Variants in ABCA4 observed in about 807,000 individuals in gnomAD.
The protein encoded by ABCA4 is ATP binding cassette subfamily A member 4, also known as retinal-specific phospholipid-transporting ATPase ABCA4.
ABCA4 carries 196 observed loss-of-function variants against 263.7 expected under a neutral mutation model. The ratio of observed to expected loss-of-function variants is 0.74; its 90% confidence interval spans 0.66 to 0.84. The LOEUF (loss-of-function observed/expected upper bound fraction) is 0.84. ABCA4 is among the 40% of genes least tolerant of loss of function. ABCA4 has a pLI of 0.00. For missense variants in ABCA4, 2,792 were observed against 2,855.1 expected (o/e 0.98, Z 0.50); for synonymous variants, 1,133 against 1,094.2 (o/e 1.04, Z -0.70).
rs1024070952 is a variant in ABCA4 at position 94,039,273 on chromosome 1, G to A, written c.3607+770C>T. On this transcript the variant is annotated intron_variant, in intron 24 of 49. Coordinates refer to ENST00000370225, the MANE Select transcript of ABCA4 (RefSeq NM_000350.3). ...CCTCCAGTTGTAATGATCAGACAAC[G>A]CAAATATTGCCCGGTTCTCTTGCTT... 3.3e-5 allele frequency among the ~76,000 whole-genome samples: 5 copies of A among 152,282 alleles called. No homozygotes were observed. The East Asian group carries it at 5.8e-4, about 18-fold the overall frequency.
Position 94,091,988 on chromosome 1 carries a change from G to C in ABCA4, c.768+6806C>G, listed in dbSNP as rs1006402388. Among the ~76,000 whole-genome samples the C allele has an allele frequency of 2.0e-5, 3 of 152,146 alleles. No individual in the cohort carries two copies. The East Asian group carries it at 5.8e-4, about 29-fold the overall frequency. On this transcript the variant is annotated intron_variant, in intron 6 of 49. Coordinates refer to ENST00000370225, the MANE Select transcript of ABCA4 (RefSeq NM_000350.3). ...TTATCACCTCCTAAAAAGTCTTGTTGGCATAGTATTTCTGATGCTTTGGAT... is the reference window on the plus strand; with the variant it reads ...TTATCACCTCCTAAAAAGTCTTGTTCGCATAGTATTTCTGATGCTTTGGAT...
chr1:94,035,604 G>C (rs953136256), intron 26 of ABCA4, among the ~76,000 whole-genome samples: 5 of 152,190 alleles, frequency 3.3e-5, no homozygotes, highest in Admixed American at 2.0e-4. Context: ...CACTCCAACA[G>C]GAAAACACTG....
chr1:94,115,263 T>C (rs1211192200), intron 1 of ABCA4, among the ~76,000 whole-genome samples: 1 of 152,212 alleles, frequency 6.6e-6, no homozygotes, highest in African/African-American at 2.4e-5. Flanking sequence ...ATTTGACTCC[T>C]TTAGACGACT....
Position 94,005,610 on chromosome 1 carries a change from A to G in ABCA4, c.6006-28T>C, listed in dbSNP as rs1025514075. On this transcript the variant is annotated intron_variant, in intron 43 of 49. Transcript: ENST00000370225. ...GCAAGAAAAAAAGCAATTACTGAGT[A>G]TCCTTCAAGGAGTGGAGGGATGACC... 4 of 1,611,184 alleles carry G rather than the reference A, an allele frequency of 2.5e-6. No homozygotes were observed. In the African/African-American group the frequency reaches 5.3e-5, roughly 22 times the overall value.
intron 4 of ABCA4, among the ~76,000 whole-genome samples, chr1:94,104,281 G>A (rs747731457): frequency 2.6e-5 from 4 of 152,316 alleles, no homozygotes; most frequent in South Asian, 2.1e-4. Context: ...ACTGGGGTGC[G>A]TGAAAATGCC....
intron 1 of ABCA4, among the ~76,000 whole-genome samples, chr1:94,120,218 T>C (rs923772606): frequency 8.5e-5 from 13 of 152,234 alleles, no homozygotes; most frequent in African/African-American, 2.7e-4. Context: ...TGCTACTTTA[T>C]GTTGCTCTTG....
At chr1:94,062,099 C>T (rs955390333) in intron 13 of ABCA4, among the ~76,000 whole-genome samples, 1 of 152,160 alleles carries the variant, frequency 6.6e-6, no homozygotes, top group African/African-American at 2.4e-5. Context: ...CAACACATTC[C>T]TCTGCCTTGT....
rs1286626523 is a variant in ABCA4, at chr1:93,997,933, G to A, written c.6657C>T (p.Phe2219=). The change falls in exon 48 of 50, where the codon TTC becomes TTT. Residue 2219 remains phenylalanine (F), a synonymous_variant. Transcript: ENST00000370225. ...TGTCCTTGTGGGAGAGGAGGAGCTG[G>A]AAGATCCTCGCCAGGGAGGAGGAGG... ...QVSSSSLARI[F]QLLLSHKDSL... 4.3e-6 allele frequency: 7 copies of A among 1,613,992 alleles called. No individual in the cohort carries two copies. The African/African-American group carries it at 5.3e-5, about 12-fold the overall frequency.
At chr1:94,088,847 C>T (rs1380837598) in intron 6 of ABCA4, among the ~76,000 whole-genome samples, 1 of 152,208 alleles carries the variant, frequency 6.6e-6, no homozygotes, top group Admixed American at 6.5e-5. Flanking sequence ...GGGGTAGGAG[C>T]CCAGAGGCAC....
chr1:94,001,150 C>T (rs750106477), intron 45 of ABCA4, 45 bp from the exon 46 acceptor site: 1 of 1,511,260 alleles, frequency 6.6e-7, no homozygotes, highest in Admixed American at 1.7e-5. Flanking sequence ...GGGAGCTGGC[C>T]CTTCTGATTA....
At chr1:94,089,883 G>T (rs1321579578) in intron 6 of ABCA4, among the ~76,000 whole-genome samples, 1 of 152,148 alleles carries the variant, frequency 6.6e-6, no homozygotes, top group African/African-American at 2.4e-5. Flanking sequence ...CATTTTCAAA[G>T]ATTAATTAAA....
chr1:93,996,069 A>C (rs1490014319), intron 49 of ABCA4, 40 bp downstream of exon 49: 1 of 1,581,084 alleles, frequency 6.3e-7, no homozygotes, highest in Non-Finnish European at 8.7e-7. Context: ...TGAGCCAAGG[A>C]ACTGCCTCAA....
chr1:94,028,649 G>A lies in ABCA4; in HGVS notation c.4539+796C>T, dbSNP rs185557329. Among the ~76,000 whole-genome samples the A allele has an allele frequency of 2.2e-3, 329 of 152,300 alleles. 1 individual carries two copies. Among genetic ancestry groups the A allele is most frequent in the African/African-American group, 7.4e-3 (308 of 41,558 alleles). ...AGGCCAGGAGCAGTGGCTGACGCTT[G>A]TAATCCTAGCACTCTGGTAGGCAGA... On this transcript the variant is annotated intron_variant, in intron 30 of 49. Transcript: ENST00000370225.
In ABCA4 at chr1:93,998,002, A is replaced by G; in HGVS notation, c.6588T>C (p.Ser2196=). ...EQFFQGNFPG[S]VQRERHYNML... is the part of the protein sequence containing the mutation. ...TGTTGTAGTGCCTCTCCCTCTGCAC[A>G]CTGCCTGGGAAGTTCCCCTGGAAGA... Residue 2196 remains serine, a synonymous_variant, in exon 48 of 50, where the codon AGT becomes AGC. Coordinates refer to ENST00000370225, the MANE Select transcript of ABCA4 (RefSeq NM_000350.3). The G allele has an allele frequency of 6.2e-7, 1 of 1,614,192 alleles. No individual in the cohort carries two copies. The highest frequency in any genetic ancestry group is 8.5e-7 in the Non-Finnish European group (1 of 1,180,034).
At chr1:94,116,948 C>A (rs1662781812) in intron 1 of ABCA4, among the ~76,000 whole-genome samples, 1 of 140,472 alleles carries the variant, frequency 7.1e-6, no homozygotes. Flanking sequence ...CCCTTCCCTC[C>A]CTCCCTCCTT....
chr1:94,043,135 A>T (rs1660565023), intron 21 of ABCA4, among the ~76,000 whole-genome samples: 1 of 152,200 alleles, frequency 6.6e-6, no homozygotes, highest in Admixed American at 6.5e-5. Context: ...CAATCTCAGG[A>T]CAAATAAAAC....
intron 10 of ABCA4, 145 bp downstream of exon 10, chr1:94,078,445 A>G: frequency 3.0e-6 from 2 of 665,612 alleles, no homozygotes; most frequent in Admixed American, 4.8e-5. Context: ...ACTGCTTGGA[A>G]TGAAGGCCTT....
intron 4 of ABCA4, among the ~76,000 whole-genome samples, chr1:94,107,035 G>T (rs2101152115): frequency 6.6e-6 from 1 of 152,304 alleles, no homozygotes; most frequent in African/African-American, 2.4e-5. Flanking sequence ...TGAAGGAGCT[G>T]CACGCATGCA....
chr1:94,080,180 G>A (rs370339469), intron 8 of ABCA4, among the ~76,000 whole-genome samples: 20 of 152,218 alleles, frequency 1.3e-4, no homozygotes, highest in East Asian at 1.2e-3. Context: ...GCTTCCTTGC[G>A]GATCATTCTC....
Sources: allele counts gnomAD v4.1 joint callset (sites outside exome capture counted in the v4.1 genomes callset), GRCh38; gene constraint gnomAD v4.1.1; transcripts MANE v1.5; gene names NCBI Gene and HGNC (gene_info 2026-07-23, HGNC 2026-07-21).